Variants in NMD3 observed in about 807,000 individuals in gnomAD.
NMD3 encodes 60S ribosomal export protein NMD3.
A neutral mutation model predicts 73.1 loss-of-function variants in NMD3; 47 were observed. That is an observed-to-expected ratio of 0.64 (90% CI 0.51 to 0.82). The LOEUF (loss-of-function observed/expected upper bound fraction) is 0.82, where lower values mean the gene tolerates loss of function less well. Ranked by LOEUF, NMD3 falls within the 40% of genes least tolerant of loss-of-function variation. The pLI, the probability that NMD3 is intolerant of heterozygous loss-of-function variation, is 0.00. For missense variants in NMD3, 554 were observed against 612.5 expected, an observed-to-expected ratio of 0.90 and a Z score of 1.01; for synonymous variants, 210 against 194.5, an observed-to-expected ratio of 1.08 and a Z score of -0.66.
intron 8 of NMD3, 105 bp downstream of exon 8, chr3:161,238,296 G>A: frequency 1.3e-6 from 1 of 756,296 alleles, no homozygotes; most frequent in Non-Finnish European, 2.2e-6. Flanking sequence ...TAAAATCGTA[G>A]TAGAAATACT....
chr3:161,234,714 A>C lies in NMD3; in HGVS notation c.358-13A>C, dbSNP rs758290622. On this transcript the variant is annotated splice_polypyrimidine_tract_variant and intron_variant, in intron 5 of 15. Coordinates refer to ENST00000351193, the MANE Select transcript of NMD3 (RefSeq NM_015938.5). ...AAAACCAAAAGAATGAAGGAGTGTAATTGTTTTATCAGGTGATGAATGGTG... is the reference window on the plus strand; with the variant it reads ...AAAACCAAAAGAATGAAGGAGTGTACTTGTTTTATCAGGTGATGAATGGTG... The C allele has an allele frequency of 6.3e-7, 1 of 1,596,240 alleles. No homozygotes were observed. Among genetic ancestry groups the C allele is most frequent in the Non-Finnish European group, 8.5e-7 (1 of 1,170,202 alleles).
At chr3:161,227,403 C>A in intron 4 of NMD3, 60 bp downstream of exon 4, 13 of 847,292 alleles carry the variant, frequency 1.5e-5, no homozygotes, top group African/African-American at 1.8e-5. Flanking sequence ...GTCTCATTTT[C>A]AGAAAATTCT....
rs1250655693 is a variant in NMD3, at chr3:161,246,405, A to T, written c.1087A>T (p.Thr363Ser). ...MNTDKQYFCR[T>S]HLGHLLNPGD... ...TACAGATAAACAGTATTTTTGTCGT[A>T]CTCATTTGGGACATCTTCTAAATCC... The change falls in exon 12 of 16, where the codon ACT becomes TCT. Residue 363 changes from threonine (T) to serine (S), a missense_variant. Physicochemically the swap from Thr to Ser is moderately conservative, Grantham distance 58. Transcript: ENST00000351193. The T allele has an allele frequency of 3.3e-6, 5 of 1,525,038 alleles. No individual in the cohort carries two copies. The highest frequency in any genetic ancestry group is 2.7e-5 in the African/African-American group (2 of 73,804). 94.5% of individuals were successfully genotyped at this position (1,525,038 alleles called of 1,614,324 possible). A position where few individuals can be genotyped will look rare whatever the true frequency, so the allele number is the denominator to read the frequency against.
intron 4 of NMD3, among the ~76,000 whole-genome samples, chr3:161,228,188 A>G (rs557547455): frequency 7.3e-4 from 111 of 152,220 alleles, no homozygotes; most frequent in Middle Eastern, 3.4e-3. Flanking sequence ...ATTGAAATTG[A>G]CTCTTTCAGA....
intron 2 of NMD3, 73 bp from the exon 3 acceptor site, chr3:161,224,857 G>A: frequency 7.0e-7 from 1 of 1,426,534 alleles, no homozygotes; most frequent in Non-Finnish European, 9.5e-7. Context: ...GCTTTTGTTT[G>A]TTTGGCATCT....
chr3:161,223,882 A>G (rs965342212), intron 2 of NMD3, among the ~76,000 whole-genome samples: 2 of 152,172 alleles, frequency 1.3e-5, no homozygotes, highest in African/African-American at 4.8e-5. Context: ...GTGCTTCTCA[A>G]ATTTTTCCCA....
chr3:161,222,220 G>T (rs186359561), intron 2 of NMD3, among the ~76,000 whole-genome samples, 163 bp downstream of exon 2: 136 of 152,072 alleles, frequency 8.9e-4, no homozygotes, highest in Admixed American at 1.7e-3. Context: ...ATTAGTTTCT[G>T]GTTATAAAGC....
chr3:161,224,061 TTTAA>T lies in NMD3; in HGVS notation c.45-865_45-862del, dbSNP rs201991490. Reference sequence around the variant, plus strand: ...GTGTGGTAAAGAGCACGTTAACATTTTTAATTATATTTCAGTATCTAAAATTAAA... The same window carrying T: ...GTGTGGTAAAGAGCACGTTAACATTTTTATATTTCAGTATCTAAAATTAAA... On this transcript the variant is annotated intron_variant, in intron 2 of 15. Coordinates refer to ENST00000351193, the MANE Select transcript of NMD3 (RefSeq NM_015938.5). 4.3e-3 allele frequency among the ~76,000 whole-genome samples: 650 copies of T among 152,310 alleles called. 6 individuals carry two copies. The highest frequency in any genetic ancestry group is 0.015 in the African/African-American group (614 of 41,536).
In NMD3 at chr3:161,238,126, T is replaced by G; in HGVS notation, c.591T>G (p.Phe197Leu). 6.3e-7 allele frequency: 1 copy of G among 1,598,126 alleles called. No homozygotes were observed. Among genetic ancestry groups the G allele is most frequent in the Non-Finnish European group, 8.5e-7 (1 of 1,173,858 alleles). Residue 197 changes from phenylalanine to leucine, a missense_variant, in exon 8 of 16, where the codon TTT becomes TTG. Phe to Leu is a conservative substitution (Grantham distance 22). Coordinates refer to ENST00000351193, the MANE Select transcript of NMD3 (RefSeq NM_015938.5). ...TTTTTTTTTAAGATGGTCTGGATTTTTATTATTCCTCAAAACAACATGCTC... is the reference window on the plus strand; with the variant it reads ...TTTTTTTTTAAGATGGTCTGGATTTGTATTATTCCTCAAAACAACATGCTC... The part of the protein sequence containing the change: ...RIKEIHDGLD[F>L]YYSSKQHAQK...
At chr3:161,233,657 T>C (rs1193819494) in intron 5 of NMD3, among the ~76,000 whole-genome samples, 178 bp downstream of exon 5, 1 of 152,216 alleles carries the variant, frequency 6.6e-6, no homozygotes, top group East Asian at 1.9e-4. Context: ...AGAGTAGTCA[T>C]TGCTTCTGAT....
At chr3:161,225,115 A>C in intron 3 of NMD3, 51 bp downstream of exon 3, 4 of 1,524,210 alleles carry the variant, frequency 2.6e-6, no homozygotes, top group Non-Finnish European at 2.7e-6. Context: ...TTACATTTAG[A>C]GAACCACCGA....
At chr3:161,229,143 A>T (rs1398167808) in intron 4 of NMD3, among the ~76,000 whole-genome samples, 2 of 152,158 alleles carry the variant, frequency 1.3e-5, no homozygotes, top group East Asian at 3.9e-4. Context: ...AAAGTCATGG[A>T]AGGCCACAGT....
chr3:161,242,185 C>T (rs773224938), intron 10 of NMD3, among the ~76,000 whole-genome samples: 20 of 152,048 alleles, frequency 1.3e-4, no homozygotes, highest in Non-Finnish European at 1.5e-4. Context: ...GTGACAGATA[C>T]GTTTCTAAAA....
intron 13 of NMD3, among the ~76,000 whole-genome samples, chr3:161,248,760 A>G (rs73160362): frequency 0.084 from 12,779 of 152,236 alleles, 757 homozygotes; most frequent in East Asian, 0.24. Context: ...AATTAGTGTG[A>G]AAGACCCTGT....
intron 12 of NMD3, 33 bp downstream of exon 12, chr3:161,246,481 T>C: frequency 1.0e-6 from 1 of 974,658 alleles, no homozygotes; most frequent in Non-Finnish European, 1.5e-6. Flanking sequence ...AACTGCCAAT[T>C]AGGATTGCAA....
intron 2 of NMD3, among the ~76,000 whole-genome samples, chr3:161,224,129 A>G (rs991232869): frequency 6.6e-6 from 1 of 152,210 alleles, no homozygotes; most frequent in Non-Finnish European, 1.5e-5. Flanking sequence ...ATATACCTCC[A>G]TTTGTTTTAA....
At chr3:161,245,519 TCTG>T (rs1737164506) in intron 11 of NMD3, among the ~76,000 whole-genome samples, 1 of 152,066 alleles carries the variant, frequency 6.6e-6, no homozygotes, top group Non-Finnish European at 1.5e-5. Flanking sequence ...AGTTTCTCCT[TCTG>T]CTCTATTTCT....
chr3:161,251,862 CTG>C lies in NMD3; in HGVS notation c.*955_*956del, dbSNP rs1453235283. The C allele has an allele frequency of 6.6e-6, 1 of 152,156 alleles. No homozygotes were observed. The highest frequency in any genetic ancestry group is 2.1e-4 in the South Asian group (1 of 4,832). 9.4% of individuals were successfully genotyped at this position (152,156 alleles called of 1,614,324 possible). On this transcript the variant is annotated 3_prime_UTR_variant, in exon 16 of 16. Transcript: ENST00000351193. ...GCTTCCCACATCCTTGAAAGAAAAA[CTG>C]TGGCTTACGTTTTGAAGTATTCTGA...
intron 7 of NMD3, among the ~76,000 whole-genome samples, chr3:161,237,538 C>CTTTT (rs71628447): frequency 5.5e-5 from 6 of 108,824 alleles, no homozygotes; most frequent in Admixed American, 1.0e-4. Context: ...AAATAACTTT[C>CTTTT]TTTTTTTTTT....
Sources: gnomAD v4.1 joint callset for allele counts (sites outside exome capture counted in the v4.1 genomes callset) on GRCh38, gnomAD v4.1.1 for gene constraint, MANE v1.5 for transcripts, NCBI Gene and HGNC (gene_info 2026-07-23, HGNC 2026-07-21) for gene names.